Variants in KIF16B observed in about 807,000 individuals in gnomAD.
KIF16B encodes the protein kinesin family member 16B.
A neutral mutation model predicts 156.3 loss-of-function variants in KIF16B; 98 were observed. The observed-to-expected ratio is 0.63, with a 90% CI of 0.53 to 0.74. The LOEUF (loss-of-function observed/expected upper bound fraction) is 0.74. Among genes scored for constraint, KIF16B ranks in the 30% least tolerant of loss-of-function variants. The pLI is 0.00. For synonymous variants in KIF16B, 564 were observed against 583.7 expected, an observed-to-expected ratio of 0.97 and a Z score of 0.49; for missense variants, 1,421 against 1,606.5, an observed-to-expected ratio of 0.88 and a Z score of 1.97.
At chr20:16,391,137 T>C (rs1311382794) in intron 17 of KIF16B, among the ~76,000 whole-genome samples, 1 of 151,902 alleles carries the variant, frequency 6.6e-6, no homozygotes, top group East Asian at 1.9e-4. Context: ...GGAAGACAAA[T>C]GAGAGGTACA....
At chr20:16,294,815 T>C (rs1356040053) in intron 25 of KIF16B, among the ~76,000 whole-genome samples, 1 of 152,108 alleles carries the variant, frequency 6.6e-6, no homozygotes, top group Non-Finnish European at 1.5e-5. Context: ...GGACTCCAGC[T>C]TTAGCCATAA....
rs1247373834 is a variant in KIF16B at position 16,305,190 on chromosome 20, C to CT, written c.3795+7144dup. Reference sequence around the variant, plus strand: ...CCGGCCTGGCATTCTCACAGCTAAGCTGTATTGTTCTCCCGTGGACCACAA... The same window carrying CT: ...CCGGCCTGGCATTCTCACAGCTAAGCTTGTATTGTTCTCCCGTGGACCACAA... On this transcript the variant is annotated intron_variant, in intron 25 of 25. Transcript: ENST00000354981. Among the ~76,000 whole-genome samples the CT allele has an allele frequency of 3.9e-5, 6 of 152,092 alleles. No individual in the cohort carries two copies. The East Asian group carries it at 1.2e-3, about 29-fold the overall frequency.
At chr20:16,497,582 A>G (rs1257110632) in intron 11 of KIF16B, 31 bp downstream of exon 11, 12 of 1,530,784 alleles carry the variant, frequency 7.8e-6, no homozygotes, top group Non-Finnish European at 1.1e-5. Context: ...AAAAGTTATG[A>G]TTTAAAAATA....
At chr20:16,406,299 G>T in intron 16 of KIF16B, 75 bp downstream of exon 16, 1 of 1,271,674 alleles carries the variant, frequency 7.9e-7, no homozygotes, top group Non-Finnish European at 1.2e-6. Context: ...CAAAAGATTG[G>T]AACCAGAGTG....
intron 25 of KIF16B, among the ~76,000 whole-genome samples, chr20:16,282,040 T>C (rs1438629464): frequency 6.7e-6 from 1 of 149,206 alleles, no homozygotes; most frequent in East Asian, 2.0e-4. Context: ...TTCTTTTTTT[T>C]TTTTTTTTTG....
intron 25 of KIF16B, among the ~76,000 whole-genome samples, chr20:16,292,686 G>A (rs1466262885): frequency 2.6e-5 from 4 of 152,166 alleles, no homozygotes; most frequent in Non-Finnish European, 5.9e-5. Context: ...AGAACTTAGT[G>A]GGCATGAGAC....
chr20:16,507,402 C>T (rs1207620762), intron 7 of KIF16B, among the ~76,000 whole-genome samples: 1 of 152,166 alleles, frequency 6.6e-6, no homozygotes, highest in South Asian at 2.1e-4. Context: ...TTTTTGCATT[C>T]ATCTATTCTA....
At position 16,442,400 on chromosome 20, in the gene KIF16B, G is replaced by GTA. The variant is rs1361836805; in HGVS notation, c.1303-12420_1303-12419dup. Among the ~76,000 whole-genome samples, 84 of 144,238 alleles carry GTA rather than the reference G, an allele frequency of 5.8e-4. 1 individual carries two copies. Among genetic ancestry groups the GTA allele is most frequent in the African/African-American group, 7.0e-4 (27 of 38,466 alleles). The allele number at this position is 144,238 out of a possible 152,430, so 94.6% of individuals were successfully genotyped here. A position where few individuals can be genotyped will look rare whatever the true frequency, so the allele number is the denominator to read the frequency against. On this transcript the variant is annotated intron_variant, in intron 12 of 25. Transcript: ENST00000354981. Reference sequence around the variant, plus strand: ...GTGCCTATCTAATGCGATGCTCAGTGTATATATATACATACATATTATATA... The same window carrying GTA: ...GTGCCTATCTAATGCGATGCTCAGTGTATATATATATACATACATATTATATA...
chr20:16,371,818 G>A (rs1355215326), intron 20 of KIF16B, 57 bp from the exon 21 acceptor site: 5 of 1,198,594 alleles, frequency 4.2e-6, no homozygotes, highest in Non-Finnish European at 2.5e-6. Context: ...AGGACATTCT[G>A]AGATCCTCTC....
intron 25 of KIF16B, among the ~76,000 whole-genome samples, chr20:16,274,091 A>C (rs544673642): frequency 1.3e-5 from 2 of 151,962 alleles, no homozygotes; most frequent in African/African-American, 4.8e-5. Flanking sequence ...AAAAAAACAA[A>C]AAAAAAAGGC....
At chr20:16,545,676 G>T (rs1485078772) in intron 1 of KIF16B, among the ~76,000 whole-genome samples, 1 of 152,072 alleles carries the variant, frequency 6.6e-6, no homozygotes, top group Non-Finnish European at 1.5e-5. Flanking sequence ...AAAGAAAAAC[G>T]TGGAAATGTA....
chr20:16,286,286 C>T (rs2063221209), intron 25 of KIF16B, among the ~76,000 whole-genome samples: 2 of 152,232 alleles, frequency 1.3e-5, no homozygotes, highest in South Asian at 4.2e-4. Flanking sequence ...ATTGCTGGGT[C>T]GAAGGGTATG....
intron 12 of KIF16B, among the ~76,000 whole-genome samples, chr20:16,469,417 T>C (rs756024235): frequency 4.0e-5 from 6 of 151,730 alleles, no homozygotes; most frequent in East Asian, 1.9e-4. Flanking sequence ...CTCAAGAGAA[T>C]TGAAGAAATA....
intron 12 of KIF16B, among the ~76,000 whole-genome samples, chr20:16,491,065 A>G (rs1408607912): frequency 6.6e-6 from 1 of 152,228 alleles, no homozygotes; most frequent in African/African-American, 2.4e-5. Context: ...ACAAAGGAAA[A>G]GAAAATTCAT....
Position 16,370,625 on chromosome 20 carries a change from T to C in KIF16B, c.3459A>G (p.Lys1153=). 2 of 1,584,468 alleles carry C rather than the reference T, an allele frequency of 1.3e-6. No homozygotes were observed. The highest frequency in any genetic ancestry group is 2.8e-5 in the African/African-American group (2 of 72,578). The change falls in exon 22 of 26, where the codon AAA becomes AAG. Residue 1153 remains lysine, a synonymous_variant. Transcript: ENST00000354981. ...TACGTTGAATGGTGCCATTGTGAAG[T>C]TTCTCATTATCCTGAAAAGAAAAGA... The part of the protein sequence containing the change: ...TSADTMKDNE[K]LHNGTIQRKL...
chr20:16,311,171 G>T (rs1286324859), intron 25 of KIF16B, among the ~76,000 whole-genome samples: 2 of 152,170 alleles, frequency 1.3e-5, no homozygotes, highest in African/African-American at 4.8e-5. Context: ...TTTCCAGTAG[G>T]TCTTACTATT....
At chr20:16,396,648 CTTTTT>C (rs11476845) in intron 17 of KIF16B, among the ~76,000 whole-genome samples, 2 of 124,674 alleles carry the variant, frequency 1.6e-5, no homozygotes, top group African/African-American at 5.7e-5. Context: ...ACTGTAGTCG[CTTTTT>C]TTTTTTTTTT....
intron 25 of KIF16B, among the ~76,000 whole-genome samples, chr20:16,311,362 G>A (rs902523540): frequency 7.2e-5 from 11 of 152,124 alleles, no homozygotes; most frequent in African/African-American, 2.2e-4. Flanking sequence ...GGTGGTGCAC[G>A]CCTGTAATCT....
chr20:16,366,628 G>A (rs1364551769), intron 22 of KIF16B, among the ~76,000 whole-genome samples: 1 of 152,180 alleles, frequency 6.6e-6, no homozygotes, highest in African/African-American at 2.4e-5. Flanking sequence ...CATGGTGATG[G>A]GAGGACACTT....
Sources: gnomAD v4.1 joint callset for allele counts (sites outside exome capture counted in the v4.1 genomes callset) on GRCh38, gnomAD v4.1.1 for gene constraint, MANE v1.5 for transcripts, NCBI Gene and HGNC (gene_info 2026-07-23, HGNC 2026-07-21) for gene names.